Variants in SYT8 observed in about 807,000 individuals in gnomAD.
SYT8 encodes synaptotagmin-8.
Under a neutral mutation model 34.9 loss-of-function variants are expected in SYT8, and 50 were observed. The observed-to-expected ratio is 1.43, with a 90% CI of 1.14 to 1.81. The LOEUF (loss-of-function observed/expected upper bound fraction) is 1.81, where lower values mean the gene tolerates loss of function less well. SYT8 is among the 40% of genes most tolerant of loss of function. SYT8 has a pLI of 0.00. For synonymous variants in SYT8, 255 were observed against 234.2 expected (o/e 1.09, Z -0.81); for missense variants, 595 against 529.0 (o/e 1.12, Z -1.22).
Position 1,836,480 on chromosome 11 carries a change from A to G in SYT8, c.572A>G (p.Lys191Arg). Residue 191 changes from lysine to arginine, a missense_variant, in exon 5 of 8, where the codon AAG becomes AGG. By Grantham distance (26) the Lys-to-Arg change is conservative. Transcript: ENST00000341958. ...CTGCAGGTGCAGCTTTTCAACTTCA[A>G]GCGCTTCTCGGGGCATGAGCCCCTG... ...ATLQVQLFNF[K>R]RFSGHEPLGE... 1 of 1,610,506 alleles carries G rather than the reference A, an allele frequency of 6.2e-7. No individual in the cohort carries two copies. Among genetic ancestry groups the G allele is most frequent in the Non-Finnish European group, 8.5e-7 (1 of 1,179,238 alleles).
At position 1,836,269 on chromosome 11, in the gene SYT8, G is replaced by C; in HGVS notation, c.501G>C (p.Glu167Asp). 6.4e-7 allele frequency: 1 copy of C among 1,561,354 alleles called. No individual in the cohort carries two copies. The highest frequency in any genetic ancestry group is 8.6e-7 in the Non-Finnish European group (1 of 1,156,372). Residue 167 changes from glutamate (E) to aspartate (D), a missense_variant, in exon 4 of 8, where the codon GAG (glutamate) becomes GAC (aspartate). By Grantham distance (45) the Glu-to-Asp change is conservative. Coordinates refer to ENST00000341958, the MANE Select transcript of SYT8 (RefSeq NM_001394072.1). ...HRGTLCPVFD[E>D]TCCFHIPQAE... is the part of the protein sequence containing the mutation. ...GCACGCTCTGCCCCGTGTTTGACGA[G>C]ACCTGCTGCTTCCACGTGAGTCAGG...
At chr11:1,834,630 G>T, upstream of SYT8, 1 of 1,578,350 alleles carries the variant, frequency 6.3e-7, no homozygotes, top group South Asian at 1.2e-5. The surrounding 1 kb of genome is among the most constrained non-coding windows in gnomAD (Gnocchi z 4.5). Context: ...GCGTGCTGGG[G>T]TAGAGGCAAG....
upstream of SYT8, among the ~76,000 whole-genome samples, chr11:1,833,213 G>T (rs1031365515): frequency 5.3e-5 from 8 of 152,284 alleles, no homozygotes; most frequent in African/African-American, 1.9e-4. Flanking sequence ...CCACGTGTGG[G>T]ACGCCGGACC....
At chr11:1,834,527 T>C, upstream of SYT8, 1 of 1,544,252 alleles carries the variant, frequency 6.5e-7, no homozygotes, top group Non-Finnish European at 8.8e-7. This position sits in a 1 kb window ranked among gnomAD's most constrained non-coding sequence, Gnocchi z 4.5. Context: ...GCCATGACCC[T>C]GCAGACCCCT....
rs1385394369 is a variant in SYT8, at chr11:1,836,989, C to G, written c.823C>G (p.Gln275Glu). 3.7e-6 allele frequency: 6 copies of G among 1,613,662 alleles called. No individual in the cohort carries two copies. The African/African-American group carries it at 8.0e-5, about 22-fold the overall frequency. ...CGTGAAGGTCCAGCTCATGCTGAAC[C>G]AGAGGAAGTGGAAGAAGAGAAAGAC... is the stretch of plus-strand genomic sequence containing the variant. ...PYVKVQLMLN[Q>E]RKWKKRKTAT... The change falls in exon 7 of 8, where the codon CAG becomes GAG. Residue 275 changes from glutamine to glutamate, a missense_variant. Transcript: ENST00000341958.
chr11:1,833,052 GCT>G (rs533377316), upstream of SYT8, among the ~76,000 whole-genome samples: 924 of 152,324 alleles, frequency 6.1e-3, 11 homozygotes, highest in Middle Eastern at 0.024. Flanking sequence ...ATGTATACAG[GCT>G]CTGACATTTC....
upstream of SYT8, chr11:1,834,135 G>A: frequency 4.8e-6 from 1 of 208,050 alleles, no homozygotes; most frequent in Non-Finnish European, 9.7e-6. This position sits in a 1 kb window ranked among gnomAD's most constrained non-coding sequence, Gnocchi z 4.5. Context: ...CTGAGCTGGG[G>A]AGTCACCCTG....
chr11:1,834,608 C>T, upstream of SYT8: 1 of 1,587,578 alleles, frequency 6.3e-7, no homozygotes, highest in Non-Finnish European at 8.6e-7. The surrounding 1 kb of genome is among the most constrained non-coding windows in gnomAD (Gnocchi z 4.5). Context: ...CATGGTGGGC[C>T]CCAGCTGTGG....
At chr11:1,831,829 G>A, upstream of SYT8, 1 of 453,858 alleles carries the variant, frequency 2.2e-6, no homozygotes. Context: ...CCGAGAGCTG[G>A]ACCCGCCTTC....
chr11:1,836,378 T>C, intron 4 of SYT8, 47 bp from the exon 5 acceptor site: 1 of 1,502,382 alleles, frequency 6.7e-7, no homozygotes, highest in Non-Finnish European at 8.9e-7. Context: ...GGCAGCTGGG[T>C]GGGCCTGAGC....
At position 1,836,963 on chromosome 11, in the gene SYT8, A is replaced by G. The variant is rs750784850; in HGVS notation, c.797A>G (p.Tyr266Cys). The G allele has an allele frequency of 8.7e-6, 14 of 1,613,482 alleles. No individual in the cohort carries two copies. The highest frequency in any genetic ancestry group is 4.4e-5 in the South Asian group (4 of 91,086). Reference sequence around the variant, plus strand: ...GGCAACCTTGCCCTCCCAGAGCCCTACGTGAAGGTCCAGCTCATGCTGAAC... The same window carrying G: ...GGCAACCTTGCCCTCCCAGAGCCCTGCGTGAAGGTCCAGCTCATGCTGAAC... ...RGLRPGLAEP[Y>C]VKVQLMLNQR... is the part of the protein sequence containing the mutation. Residue 266 changes from tyrosine to cysteine, a missense_variant, in exon 7 of 8, where the codon TAC becomes TGC. Transcript: ENST00000341958.
chr11:1,832,623 C>T (rs1846709556), upstream of SYT8, among the ~76,000 whole-genome samples: 1 of 152,156 alleles, frequency 6.6e-6, no homozygotes, highest in Admixed American at 6.5e-5. Flanking sequence ...ACGGCGCCAC[C>T]TGGTGGCCAT....
At chr11:1,832,929 GCACGCA>G (rs1031934832), upstream of SYT8, among the ~76,000 whole-genome samples, 15 of 152,290 alleles carry the variant, frequency 9.8e-5, no homozygotes, top group East Asian at 1.9e-4. Flanking sequence ...GGGGAGGGGC[GCACGCA>G]CACGCACACG....
At chr11:1,834,417 CT>C (rs1358842773), upstream of SYT8, 2 of 712,270 alleles carry the variant, frequency 2.8e-6, no homozygotes, top group African/African-American at 1.8e-5. The surrounding 1 kb of genome is among the most constrained non-coding windows in gnomAD (Gnocchi z 4.5). Context: ...ACCACCTCAC[CT>C]TCATCCTCAG....
chr11:1,837,099 C>G lies in SYT8; in HGVS notation c.924+9C>G, dbSNP rs1235415631. The G allele has an allele frequency of 1.9e-6, 3 of 1,612,968 alleles. No homozygotes were observed. The highest frequency in any genetic ancestry group is 2.5e-6 in the Non-Finnish European group (3 of 1,179,634). The stretch of plus-strand genomic sequence containing the variant: ...CCTTCAGCCAGGTCCAGGTGGGCCA[C>G]CGGGAGGCAGGGGCAGAGCGAGACC... On this transcript the variant is annotated intron_variant, in intron 7 of 7. Coordinates refer to ENST00000341958, the MANE Select transcript of SYT8 (RefSeq NM_001394072.1).
upstream of SYT8, among the ~76,000 whole-genome samples, chr11:1,832,870 G>A (rs1846720510): frequency 6.6e-6 from 1 of 152,112 alleles, no homozygotes; most frequent in Non-Finnish European, 1.5e-5. Flanking sequence ...GCCCGGCCCT[G>A]ACTGTTCTTA....
rs770572577 is a variant in SYT8, at chr11:1,836,197, C to T, written c.429C>T (p.Ser143=). 7.0e-5 allele frequency: 110 copies of T among 1,581,886 alleles called. 1 individual carries two copies. In the Admixed American group the frequency reaches 9.2e-4, roughly 13 times the overall value. ...GGTVDPYARV[S]VSTQAGHRHE... ...CCGTGGACCCCTATGCCCGGGTCAG[C>T]GTCTCCACCCAGGCCGGACACAGAC... is the stretch of plus-strand genomic sequence containing the variant. The change falls in exon 4 of 8, where the codon AGC becomes AGT. Residue 143 remains serine, a synonymous_variant. Transcript: ENST00000341958.
At chr11:1,834,246 C>A, upstream of SYT8, 2 of 464,954 alleles carry the variant, frequency 4.3e-6, no homozygotes, top group Non-Finnish European at 7.8e-6. The surrounding 1 kb of genome is among the most constrained non-coding windows in gnomAD (Gnocchi z 4.5). Context: ...AGGCCCTAGG[C>A]AGGCGGGTAC....
At chr11:1,835,520 C>G (rs1188059991) in intron 2 of SYT8, 61 bp downstream of exon 2, 6 of 1,587,776 alleles carry the variant, frequency 3.8e-6, no homozygotes, top group Non-Finnish European at 4.3e-6. Context: ...GCTCCAGAGC[C>G]CAGGGCAGCG....
Sources: gnomAD v4.1 joint callset for allele counts (sites outside exome capture counted in the v4.1 genomes callset) on GRCh38, gnomAD v4.1.1 for gene constraint, Gnocchi (gnomAD v3.1) non-coding constraint, MANE v1.5 for transcripts, NCBI Gene and HGNC (gene_info 2026-07-23, HGNC 2026-07-21) for gene names.